The following SLC44A5 variants were observed in gnomAD, a reference collection of about 807,000 sequenced individuals.
SLC44A5 encodes the protein solute carrier family 44 member 5.
Under a neutral mutation model 101.8 loss-of-function variants are expected in SLC44A5, and 57 were observed. The ratio of observed to expected loss-of-function variants is 0.56; its 90% confidence interval spans 0.45 to 0.70. The LOEUF (loss-of-function observed/expected upper bound fraction) is 0.70, where lower values mean the gene tolerates loss of function less well. Among genes scored for constraint, SLC44A5 ranks in the 30% least tolerant of loss-of-function variants. The pLI is 0.00. For synonymous variants in SLC44A5, 281 were observed against 290.9 expected, an observed-to-expected ratio of 0.97 and a Z score of 0.35; for missense variants, 737 against 853.1, an observed-to-expected ratio of 0.86 and a Z score of 1.70.
At chr1:75,436,598 T>C (rs1664904607) in intron 2 of SLC44A5, among the ~76,000 whole-genome samples, 1 of 152,150 alleles carries the variant, frequency 6.6e-6, no homozygotes, top group Non-Finnish European at 1.5e-5. Context: ...AGGACATTAC[T>C]GTACACTACT....
chr1:75,311,306 G>A (rs573016609), intron 4 of SLC44A5, among the ~76,000 whole-genome samples: 6 of 152,114 alleles, frequency 3.9e-5, no homozygotes, highest in South Asian at 4.2e-4. Context: ...TAGTAGAGAC[G>A]GGGTTTCACC....
chr1:75,631,265 A>G, the SLC44A5 span, among the ~76,000 whole-genome samples: 1 of 152,280 alleles, frequency 6.6e-6, no homozygotes, highest in African/African-American at 2.4e-5. Context: ...AGAATGGGAA[A>G]CATATTGTTT....
At chr1:75,232,168 G>A (rs1319364798) in intron 12 of SLC44A5, among the ~76,000 whole-genome samples, 2 of 152,036 alleles carry the variant, frequency 1.3e-5, no homozygotes, top group Non-Finnish European at 2.9e-5. Flanking sequence ...ATACTATCTA[G>A]GGAGTCAATA....
intron 3 of SLC44A5, among the ~76,000 whole-genome samples, chr1:75,393,200 A>G (rs1022951403): frequency 6.6e-6 from 1 of 152,208 alleles, no homozygotes; most frequent in Non-Finnish European, 1.5e-5. Flanking sequence ...AAAAATATCT[A>G]AACACTGTTT....
intron 2 of SLC44A5, among the ~76,000 whole-genome samples, chr1:75,410,775 C>A (rs1376586060): frequency 2.0e-5 from 3 of 152,032 alleles, no homozygotes; most frequent in Non-Finnish European, 4.4e-5. Flanking sequence ...TTGTAGAAAT[C>A]GTGCTTATTA....
At chr1:75,208,489 GA>G (rs1335781829) in intron 23 of SLC44A5, among the ~76,000 whole-genome samples, 1 of 152,158 alleles carries the variant, frequency 6.6e-6, no homozygotes, top group East Asian at 1.9e-4. Flanking sequence ...AAATTGTGAA[GA>G]AGAAAAAAGA....
chr1:75,689,380 C>T, the SLC44A5 span, among the ~76,000 whole-genome samples: 96 of 152,226 alleles, frequency 6.3e-4, 1 homozygote, highest in Middle Eastern at 3.4e-3. Flanking sequence ...CCTAGGAAAC[C>T]AGATCTTGTC....
chr1:75,365,084 G>A (rs889819416), intron 3 of SLC44A5, among the ~76,000 whole-genome samples: 8 of 152,174 alleles, frequency 5.3e-5, no homozygotes, highest in African/African-American at 1.2e-4. Context: ...ATGTGGTTCC[G>A]TTGTCCTTTG....
intron 6 of SLC44A5, among the ~76,000 whole-genome samples, chr1:75,263,263 ATAACT>A (rs1414694717): frequency 2.0e-5 from 3 of 152,150 alleles, no homozygotes; most frequent in Non-Finnish European, 2.9e-5. Context: ...GAATCTACAA[ATAACT>A]TAAACAAATT....
chr1:75,356,487 A>C (rs925296053), intron 3 of SLC44A5, among the ~76,000 whole-genome samples: 1 of 152,002 alleles, frequency 6.6e-6, no homozygotes, highest in Non-Finnish European at 1.5e-5. Flanking sequence ...TTTTTTGTAC[A>C]GCTATTTATG....
chr1:75,602,472 C>T (rs1675035840), intron 1 of SLC44A5, among the ~76,000 whole-genome samples: 1 of 152,098 alleles, frequency 6.6e-6, no homozygotes, highest in Admixed American at 6.6e-5. Flanking sequence ...TATTCCAAAG[C>T]TGTGCTTTAT....
chr1:75,708,120 T>C, the SLC44A5 span, among the ~76,000 whole-genome samples: 1 of 151,918 alleles, frequency 6.6e-6, no homozygotes, highest in Admixed American at 6.6e-5. Context: ...TCCTTAAAAA[T>C]GTTTATTCTC....
chr1:75,377,016 A>C (rs1401287854), intron 3 of SLC44A5, among the ~76,000 whole-genome samples: 1 of 152,244 alleles, frequency 6.6e-6, no homozygotes, highest in Non-Finnish European at 1.5e-5. Context: ...AGGCTCGAGA[A>C]CTACGTGAAG....
At chr1:75,376,252 G>T (rs958032187) in intron 3 of SLC44A5, among the ~76,000 whole-genome samples, 25 of 152,218 alleles carry the variant, frequency 1.6e-4, no homozygotes, top group African/African-American at 5.8e-4. Flanking sequence ...CGGCAGCGAG[G>T]CTGGGGGAGG....
intron 2 of SLC44A5, among the ~76,000 whole-genome samples, chr1:75,530,827 G>A (rs1022654981): frequency 6.6e-6 from 1 of 152,054 alleles, no homozygotes; most frequent in African/African-American, 2.4e-5. Context: ...CCCATCCTAT[G>A]ACTTTCCAAA....
intron 1 of SLC44A5, among the ~76,000 whole-genome samples, chr1:75,552,919 C>T (rs115632021): frequency 0.024 from 3,720 of 151,920 alleles, 153 homozygotes; most frequent in African/African-American, 0.085. Context: ...TGTTAATAAA[C>T]GGTTTAAAGA....
At position 75,242,854 on chromosome 1, in the gene SLC44A5, T is replaced by C. The variant is rs748710405; in HGVS notation, c.471+32A>G. 7.1e-6 allele frequency: 11 copies of C among 1,538,718 alleles called. 1 individual carries two copies. The highest frequency in any genetic ancestry group is 1.7e-4 in the Middle Eastern group (1 of 5,758). ...TTGAGATTGAAAAAAAAAGTTAAAT[T>C]GTTCTCTTGCTTTAAGCTTAAACAC... is the stretch of plus-strand genomic sequence containing the variant. On this transcript the variant is annotated intron_variant, in intron 8 of 23. Transcript: ENST00000370859.
At chr1:75,408,719 G>C (rs1363486747) in intron 2 of SLC44A5, among the ~76,000 whole-genome samples, 1 of 151,694 alleles carries the variant, frequency 6.6e-6, no homozygotes, top group Non-Finnish European at 1.5e-5. Context: ...GGGCTGGGGG[G>C]CTAGGGGAGG....
At chr1:75,701,613 C>T in the SLC44A5 span, among the ~76,000 whole-genome samples, 2 of 152,158 alleles carry the variant, frequency 1.3e-5, no homozygotes, top group Non-Finnish European at 2.9e-5. Flanking sequence ...GGGATGTCCT[C>T]TCTCACCACT....
Sources: gnomAD v4.1 joint callset for allele counts (sites outside exome capture counted in the v4.1 genomes callset) on GRCh38, gnomAD v4.1.1 for gene constraint, MANE v1.5 for transcripts, NCBI Gene and HGNC (gene_info 2026-07-23, HGNC 2026-07-21) for gene names.